The following TACR3 variants were observed in gnomAD, a reference collection of about 807,000 sequenced individuals.
TACR3 encodes the protein tachykinin receptor 3.
A neutral mutation model predicts 35.0 loss-of-function variants in TACR3; 34 were observed. The ratio of observed to expected loss-of-function variants is 0.97; its 90% confidence interval spans 0.74 to 1.30. The LOEUF is 1.30. Among genes scored for constraint, TACR3 ranks in the 50% most tolerant of loss-of-function variants. TACR3 has a pLI of 0.00. For synonymous variants in TACR3, 233 were observed against 221.1 expected (o/e 1.05, Z -0.48); for missense variants, 558 against 591.7 (o/e 0.94, Z 0.59).
rs1046068797 is a variant in TACR3, at chr4:103,709,159, C to T, written c.548+9969G>A. 4.6e-5 allele frequency among the ~76,000 whole-genome samples: 7 copies of T among 152,226 alleles called. No individual in the cohort carries two copies. The East Asian group carries it at 1.2e-3, about 25-fold the overall frequency. On this transcript the variant is annotated intron_variant, in intron 1 of 4. Transcript: ENST00000304883. The stretch of plus-strand genomic sequence containing the variant: ...CAAATTCAGGAAATACAGAGAATGC[C>T]ACAAAGATACTCCTCGAGAAGAGCA...
intron 1 of TACR3, among the ~76,000 whole-genome samples, chr4:103,692,161 A>G (rs1722418326): frequency 6.6e-6 from 1 of 152,206 alleles, no homozygotes; most frequent in Admixed American, 6.5e-5. Flanking sequence ...TACATGATTC[A>G]TTACCATGAA....
chr4:103,673,536 A>C lies in TACR3; in HGVS notation c.549-15133T>G, dbSNP rs573746579. 1.4e-3 allele frequency among the ~76,000 whole-genome samples: 207 copies of C among 152,278 alleles called. 1 individual carries two copies. Among genetic ancestry groups the C allele is most frequent in the African/African-American group, 4.8e-3 (199 of 41,576 alleles). ...TTTCTTACATGGGCATGGTTCGTGA[A>C]GCTCCAAAACAATTACCAGAGTAAC... On this transcript the variant is annotated intron_variant, in intron 1 of 4. Coordinates refer to ENST00000304883, the MANE Select transcript of TACR3 (RefSeq NM_001059.3).
intron 1 of TACR3, among the ~76,000 whole-genome samples, chr4:103,681,648 A>G (rs1333813740): frequency 1.3e-5 from 2 of 152,172 alleles, no homozygotes; most frequent in Non-Finnish European, 2.9e-5. Flanking sequence ...GGTCAGATCC[A>G]CAAATTCACA....
At position 103,613,517 on chromosome 4, in the gene TACR3, C is replaced by T. The variant is rs893763178; in HGVS notation, c.889-21834G>A. Among the ~76,000 whole-genome samples the T allele has an allele frequency of 1.5e-4, 23 of 150,624 alleles. No homozygotes were observed. The South Asian group carries it at 1.9e-3, about 12-fold the overall frequency. On this transcript the variant is annotated intron_variant, in intron 3 of 4. Transcript: ENST00000304883. ...TTTTTTTTTGTACTATTGGTGGAGA[C>T]GGGGTTTCACTATATTGGCCAGGCT... is the stretch of plus-strand genomic sequence containing the variant.
intron 3 of TACR3, among the ~76,000 whole-genome samples, chr4:103,632,929 T>A (rs974157866): frequency 3.9e-5 from 6 of 152,060 alleles, no homozygotes; most frequent in African/African-American, 1.4e-4. Flanking sequence ...GGGATATAAT[T>A]TATAGAAGGA....
At chr4:103,697,344 G>A (rs758621490) in intron 1 of TACR3, among the ~76,000 whole-genome samples, 4 of 151,932 alleles carry the variant, frequency 2.6e-5, no homozygotes, top group Non-Finnish European at 4.4e-5. Flanking sequence ...AATATGACGT[G>A]GTAACTGAAA....
intron 3 of TACR3, among the ~76,000 whole-genome samples, chr4:103,651,629 C>CTT (rs1373083409): frequency 6.6e-6 from 1 of 151,786 alleles, no homozygotes; most frequent in African/African-American, 2.4e-5. Context: ...GTCCCCTTTA[C>CTT]TTTTCCCTTA....
intron 3 of TACR3, among the ~76,000 whole-genome samples, chr4:103,615,416 A>T (rs1347569536): frequency 2.1e-4 from 32 of 151,580 alleles, no homozygotes; most frequent in Non-Finnish European, 3.7e-4. Context: ...AGAGAGAGAG[A>T]GAGAGAGAGA....
Position 103,588,046 on chromosome 4 carries a change from A to G in TACR3, c.*1636T>C, listed in dbSNP as rs950056306. The G allele has an allele frequency of 1.3e-5, 2 of 151,916 alleles. No homozygotes were observed. The highest frequency in any genetic ancestry group is 2.9e-5 in the Non-Finnish European group (2 of 67,906). The allele number at this position is 151,916 out of a possible 1,614,324, so 9.4% of individuals were successfully genotyped here. ...ATCAGAAGAAATTCAGCTGGAACAC[A>G]TATGTTTAGCTTGTTTAGACTCCGA... On this transcript the variant is annotated 3_prime_UTR_variant, in exon 5 of 5. Transcript: ENST00000304883.
Position 103,586,889 on chromosome 4 carries a change from G to T in TACR3, c.*2793C>A, listed in dbSNP as rs912266508. The T allele has an allele frequency of 1.3e-5, 2 of 151,972 alleles. No individual in the cohort carries two copies. The highest frequency in any genetic ancestry group is 4.8e-5 in the African/African-American group (2 of 41,358). 9.4% of individuals were successfully genotyped at this position (151,972 alleles called of 1,614,324 possible). A position where few individuals can be genotyped will look rare whatever the true frequency, so the allele number is the denominator to read the frequency against. On this transcript the variant is annotated 3_prime_UTR_variant, in exon 5 of 5. Coordinates refer to ENST00000304883, the MANE Select transcript of TACR3 (RefSeq NM_001059.3). ...AAGCAATGTTTATTTTTGATTTAAT[G>T]TATTTTGTTTAAAAGAGAATACTTA...
intron 1 of TACR3, among the ~76,000 whole-genome samples, chr4:103,710,790 T>A (rs1722930227): frequency 6.6e-6 from 1 of 151,820 alleles, no homozygotes; most frequent in African/African-American, 2.4e-5. Context: ...ATAGACGCAA[T>A]AAAAAATGAT....
intron 3 of TACR3, among the ~76,000 whole-genome samples, chr4:103,601,756 G>C (rs111241939): frequency 5.9e-5 from 9 of 152,112 alleles, no homozygotes; most frequent in East Asian, 3.9e-4. Context: ...GAGAGATCAG[G>C]TGTTAGTCTG....
chr4:103,599,533 A>G (rs7683569), intron 3 of TACR3, among the ~76,000 whole-genome samples: 76,458 of 152,018 alleles, frequency 0.5, 22,940 homozygotes, highest in Non-Finnish European at 0.64. Context: ...GTCTTGTGCC[A>G]GTTTTCAAAA....
At chr4:103,670,938 T>C (rs1423561169) in intron 1 of TACR3, among the ~76,000 whole-genome samples, 1 of 152,096 alleles carries the variant, frequency 6.6e-6, no homozygotes, top group Non-Finnish European at 1.5e-5. Flanking sequence ...AGTATGATAC[T>C]GTAGGTTTGT....
rs1403969651 is a variant in TACR3 at position 103,587,120 on chromosome 4, G to A, written c.*2562C>T. The stretch of plus-strand genomic sequence containing the variant: ...AATTTTGAAGGCAGATTCTTTCCAA[G>A]CTTAGCAAATATGAAAACACTGGGA... On this transcript the variant is annotated 3_prime_UTR_variant, in exon 5 of 5. Coordinates refer to ENST00000304883, the MANE Select transcript of TACR3 (RefSeq NM_001059.3). 6.6e-6 allele frequency: 1 copy of A among 151,982 alleles called. No homozygotes were observed. The highest frequency in any genetic ancestry group is 1.5e-5 in the Non-Finnish European group (1 of 67,992). The allele number at this position is 151,982 out of a possible 1,614,324, so 9.4% of individuals were successfully genotyped here. A position where few individuals can be genotyped will look rare whatever the true frequency, so the allele number is the denominator to read the frequency against.
intron 1 of TACR3, among the ~76,000 whole-genome samples, chr4:103,685,227 AT>A (rs1174082610): frequency 6.6e-6 from 1 of 152,010 alleles, no homozygotes; most frequent in African/African-American, 2.4e-5. Context: ...TGGCCCACTG[AT>A]TTTTGTCAAT....
chr4:103,698,536 C>CTTTTCTTTTTTTTCTTTT (rs60397856), intron 1 of TACR3, among the ~76,000 whole-genome samples: 1 of 148,336 alleles, frequency 6.7e-6, no homozygotes, highest in African/African-American at 2.5e-5. Context: ...AGGATATTTT[C>CTTTTCTTTTTTTTCTTTT]TTTTCTTTTT....
Position 103,719,430 on chromosome 4 carries a change from G to C in TACR3, c.246C>G (p.Ser82=), listed in dbSNP as rs1236803718. Residue 82 remains serine (S), a synonymous_variant, in exon 1 of 5, where the codon TCC becomes TCG. Coordinates refer to ENST00000304883, the MANE Select transcript of TACR3 (RefSeq NM_001059.3). ...CCAGGGACCAGAGCGCGATGCGCCA[G>C]GACGGCTGCACGAACTGGTTGGTGA... ...ANLTNQFVQP[S]WRIALWSLAY... 3.1e-6 allele frequency: 5 copies of C among 1,614,250 alleles called. No homozygotes were observed. The Admixed American group carries it at 8.3e-5, about 27-fold the overall frequency.
intron 3 of TACR3, among the ~76,000 whole-genome samples, chr4:103,644,980 T>C (rs1346080876): frequency 1.3e-5 from 2 of 151,940 alleles, no homozygotes; most frequent in African/African-American, 2.4e-5. Context: ...TATATTAACA[T>C]TGGAAATCTA....
Sources: allele counts gnomAD v4.1 joint callset (sites outside exome capture counted in the v4.1 genomes callset), GRCh38; gene constraint gnomAD v4.1.1; transcripts MANE v1.5; gene names NCBI Gene and HGNC (gene_info 2026-07-23, HGNC 2026-07-21).